GRIP1: variants seen among roughly 807,000 people sequenced by gnomAD.
GRIP1 encodes glutamate receptor interacting protein 1, also known as glutamate receptor-interacting protein 1.
In GRIP1, 45 loss-of-function variants were observed where a neutral mutation model predicts 129.9. That is an observed-to-expected ratio of 0.35 (90% confidence interval 0.27 to 0.44). GRIP1 has a LOEUF of 0.44. Among genes scored for constraint, GRIP1 ranks in the 20% least tolerant of loss-of-function variants. The pLI is 1.00. For synonymous variants in GRIP1, 530 were observed against 520.8 expected, an observed-to-expected ratio of 1.02 and a Z score of -0.24; for missense variants, 1,196 against 1,396.8, an observed-to-expected ratio of 0.86 and a Z score of 2.29.
chr12:66,511,955 A>G (rs1346665510), intron 7 of GRIP1, among the ~76,000 whole-genome samples: 1 of 152,130 alleles, frequency 6.6e-6, no homozygotes. Flanking sequence ...TGATTGGATC[A>G]TGGGAGCAGT....
intron 5 of GRIP1, among the ~76,000 whole-genome samples, chr12:66,524,245 G>A (rs1282914351): frequency 1.3e-5 from 2 of 151,984 alleles, no homozygotes; most frequent in East Asian, 3.8e-4. Flanking sequence ...GCACCACACT[G>A]CACCTATTCC....
intron 1 of GRIP1, among the ~76,000 whole-genome samples, chr12:66,803,196 T>C (rs1470817077): frequency 6.6e-6 from 1 of 152,220 alleles, no homozygotes; most frequent in Admixed American, 6.5e-5. Context: ...GAAATATAAG[T>C]TTATAAAGAT....
chr12:66,813,902 G>C (rs2039154234), intron 1 of GRIP1, among the ~76,000 whole-genome samples: 1 of 152,064 alleles, frequency 6.6e-6, no homozygotes, highest in Admixed American at 6.6e-5. Context: ...TGAATATTCT[G>C]GTTGTTTATG....
At chr12:67,038,778 T>C (rs964015282) in intron 1 of GRIP1, among the ~76,000 whole-genome samples, 5 of 152,200 alleles carry the variant, frequency 3.3e-5, no homozygotes, top group Admixed American at 1.3e-4. Flanking sequence ...CAAAAGGGAA[T>C]TTTTCCCCTC....
At chr12:66,503,340 C>T (rs1329547008) in intron 7 of GRIP1, among the ~76,000 whole-genome samples, 1 of 152,010 alleles carries the variant, frequency 6.6e-6, no homozygotes, top group Non-Finnish European at 1.5e-5. Context: ...AAACACACTG[C>T]ACATGCTCAC....
chr12:66,435,103 A>G (rs550294507), intron 13 of GRIP1, among the ~76,000 whole-genome samples: 20 of 152,358 alleles, frequency 1.3e-4, no homozygotes, highest in Admixed American at 1.2e-3. Flanking sequence ...ATAGCAGAAA[A>G]AAATGATTTG....
intron 1 of GRIP1, among the ~76,000 whole-genome samples, chr12:66,639,617 C>T (rs1368347636): frequency 7.2e-5 from 11 of 152,130 alleles, no homozygotes; most frequent in African/African-American, 2.4e-4. Flanking sequence ...GAAAGAACCA[C>T]AGAAAAGAAT....
chr12:66,373,723 A>G (rs990784535), intron 22 of GRIP1, among the ~76,000 whole-genome samples: 1 of 152,274 alleles, frequency 6.6e-6, no homozygotes, highest in Non-Finnish European at 1.5e-5. Context: ...AATTTTGAAA[A>G]AGAAAATTAT....
chr12:66,989,241 G>GCAGCTT (rs762310547), intron 1 of GRIP1, among the ~76,000 whole-genome samples: 5 of 152,220 alleles, frequency 3.3e-5, no homozygotes, highest in Non-Finnish European at 5.9e-5. Flanking sequence ...TAAACTTGCT[G>GCAGCTT]CAGCTTCACA....
intron 1 of GRIP1, chr12:67,035,704 G>C (rs897909774): frequency 6.6e-6 from 1 of 152,104 alleles, no homozygotes; most frequent in African/African-American, 2.4e-5. Flanking sequence ...ACAAAAGAGA[G>C]AGAGAATAAA....
chr12:66,962,147 T>C (rs2041930449), intron 1 of GRIP1, among the ~76,000 whole-genome samples: 1 of 152,202 alleles, frequency 6.6e-6, no homozygotes, highest in South Asian at 2.1e-4. Flanking sequence ...ATGGCTGTGG[T>C]AGTGGTGATG....
chr12:67,058,691 G>A (rs1249190082), intron 1 of GRIP1, among the ~76,000 whole-genome samples: 1 of 152,188 alleles, frequency 6.6e-6, no homozygotes, highest in Non-Finnish European at 1.5e-5. Context: ...TGTCAGCCTC[G>A]AGCGATGTCA....
At chr12:66,530,047 C>T (rs1212669546) in intron 4 of GRIP1, 133 bp from the exon 5 acceptor site, 5 of 527,738 alleles carry the variant, frequency 9.5e-6, no homozygotes, top group Middle Eastern at 7.6e-4. Flanking sequence ...AATTCCTTTT[C>T]AAAGAAAATG....
At chr12:66,605,012 ATT>A (rs11292583) in intron 1 of GRIP1, among the ~76,000 whole-genome samples, 2 of 149,342 alleles carry the variant, frequency 1.3e-5, no homozygotes, top group Non-Finnish European at 3.0e-5. Flanking sequence ...AGGTTTCTCC[ATT>A]TTTTTTTAAC....
At chr12:66,453,301 C>T (rs1328570179) in intron 11 of GRIP1, among the ~76,000 whole-genome samples, 1 of 152,168 alleles carries the variant, frequency 6.6e-6, no homozygotes, top group Non-Finnish European at 1.5e-5. Flanking sequence ...GCCTTTGAAG[C>T]AGAAGTATGA....
In GRIP1 at chr12:66,728,482, T is replaced by C. The variant is rs529813561; in HGVS notation, c.-420+75571A>G. Among the ~76,000 whole-genome samples, 8 of 152,192 alleles carry C rather than the reference T, an allele frequency of 5.3e-5. No individual in the cohort carries two copies. In the South Asian group the frequency reaches 8.3e-4, roughly 16 times the overall value. ...TCACACCCGTATTCAGGGGGCAGAATAGAGGAAACAATAAAGAAGAACACG... is the reference window on the plus strand; with the variant it reads ...TCACACCCGTATTCAGGGGGCAGAACAGAGGAAACAATAAAGAAGAACACG... On this transcript the variant is annotated intron_variant, in intron 1 of 4. Transcript: ENST00000538373.
intron 1 of GRIP1, among the ~76,000 whole-genome samples, chr12:67,039,436 T>A (rs1033332862): frequency 1.3e-5 from 2 of 152,168 alleles, no homozygotes; most frequent in African/African-American, 4.8e-5. Flanking sequence ...TAAAAGGCAG[T>A]CAGACTAGCC....
At chr12:66,881,034 GGTAA>G (rs2040469614) in intron 1 of GRIP1, among the ~76,000 whole-genome samples, 3 of 151,328 alleles carry the variant, frequency 2.0e-5, no homozygotes, top group East Asian at 1.9e-4. Context: ...AGGTGTCTCA[GGTAA>G]GTAATAAAAG....
intron 1 of GRIP1, among the ~76,000 whole-genome samples, chr12:66,990,236 C>T (rs1210789013): frequency 2.0e-5 from 3 of 152,158 alleles, no homozygotes; most frequent in Non-Finnish European, 2.9e-5. Flanking sequence ...CTAGAACTTA[C>T]ATTTTTAAAT....
Sources: gnomAD v4.1 joint callset for allele counts (sites outside exome capture counted in the v4.1 genomes callset) on GRCh38, gnomAD v4.1.1 for gene constraint, MANE v1.5 for transcripts, NCBI Gene and HGNC (gene_info 2026-07-23, HGNC 2026-07-21) for gene names.